The following RRP15 variants were observed in gnomAD, a reference collection of about 807,000 sequenced individuals.
RRP15 encodes the protein RRP15-like protein.
In RRP15, 18 loss-of-function variants were observed where a neutral mutation model predicts 27.1. The ratio of observed to expected loss-of-function variants is 0.66; its 90% CI spans 0.46 to 0.98. The LOEUF (loss-of-function observed/expected upper bound fraction) is 0.98. RRP15 is among the 50% of genes least tolerant of loss of function. The probability of loss-of-function intolerance (pLI) is 0.00; values close to 1 mark genes in which losing one functional copy is unlikely to be tolerated. For synonymous variants in RRP15, 107 were observed against 109.4 expected (o/e 0.98, Z 0.14); for missense variants, 359 against 337.8 (o/e 1.06, Z -0.49).
intron 4 of RRP15, among the ~76,000 whole-genome samples, chr1:218,316,099 T>C (rs1028595792): frequency 1.3e-5 from 2 of 152,232 alleles, no homozygotes; most frequent in African/African-American, 2.4e-5. Context: ...GGGTGGTTTC[T>C]GATTTGAACA....
intron 4 of RRP15, among the ~76,000 whole-genome samples, chr1:218,313,530 A>G (rs558530352): frequency 4.6e-5 from 7 of 152,316 alleles, no homozygotes; most frequent in African/African-American, 1.4e-4. Context: ...TTTTGGAGGC[A>G]GTGACTGCTC....
At chr1:218,295,363 C>T (rs1655703348) in intron 1 of RRP15, among the ~76,000 whole-genome samples, 1 of 152,132 alleles carries the variant, frequency 6.6e-6, no homozygotes, top group Non-Finnish European at 1.5e-5. Context: ...AAAAAGAAGC[C>T]TTGATTGTTA....
intron 1 of RRP15, among the ~76,000 whole-genome samples, chr1:218,287,562 A>G (rs1024650691): frequency 2.0e-5 from 3 of 152,188 alleles, no homozygotes; most frequent in Non-Finnish European, 4.4e-5. Flanking sequence ...TTTAGGAAAG[A>G]TATTAAACAC....
At position 218,337,174 on chromosome 1, in the gene RRP15, T is replaced by C. The variant is rs1217308338; in HGVS notation, c.*6083T>C. 2 of 152,232 alleles carry C rather than the reference T, an allele frequency of 1.3e-5. No individual in the cohort carries two copies. Among genetic ancestry groups the C allele is most frequent in the African/African-American group, 2.4e-5 (1 of 41,462 alleles). The allele number at this position is 152,232 out of a possible 1,614,324, so 9.4% of individuals were successfully genotyped here. A position where few individuals can be genotyped will look rare whatever the true frequency, so the allele number is the denominator to read the frequency against. On this transcript the variant is annotated 3_prime_UTR_variant, in exon 5 of 5. Coordinates refer to ENST00000366932, the MANE Select transcript of RRP15 (RefSeq NM_016052.4). The stretch of plus-strand genomic sequence containing the variant: ...TGTTATGTAGTAGCGTGTCAAGAGA[T>C]GTTCTCTCTTATGCATTTGGAGGAT...
chr1:218,302,557 C>T lies in RRP15; in HGVS notation c.403C>T (p.Gln135Ter). The T allele has an allele frequency of 1.9e-6, 3 of 1,610,936 alleles. No individual in the cohort carries two copies. The highest frequency in any genetic ancestry group is 1.7e-6 in the Non-Finnish European group (2 of 1,179,008). The change falls in exon 2 of 5, where the codon CAG becomes TAG. Residue 135 changes from glutamine to a stop codon, truncating the protein, a stop_gained and splice_region_variant. Coordinates refer to ENST00000366932, the MANE Select transcript of RRP15 (RefSeq NM_016052.4). LOFTEE classifies it high-confidence loss of function. ...GCAAGAAAGACTAGAGAAAATAAAACAGGTATGTTCCACCAGTTCTCTTGT... is the reference window on the plus strand; with the variant it reads ...GCAAGAAAGACTAGAGAAAATAAAATAGGTATGTTCCACCAGTTCTCTTGT... ...LKQERLEKIK[Q>*]RDKRLEWEMM...
intron 1 of RRP15, among the ~76,000 whole-genome samples, chr1:218,294,771 T>C (rs116119134): frequency 0.01 from 1,583 of 152,230 alleles, 31 homozygotes; most frequent in African/African-American, 0.036. Context: ...GAGCTGAAAG[T>C]CCCAAACTTC....
At position 218,302,483 on chromosome 1, in the gene RRP15, C is replaced by G. The variant is rs1321893988; in HGVS notation, c.329C>G (p.Thr110Ser). 1 of 1,614,022 alleles carries G rather than the reference C, an allele frequency of 6.2e-7. No homozygotes were observed. Among genetic ancestry groups the G allele is most frequent in the Admixed American group, 1.7e-5 (1 of 59,998 alleles). Residue 110 changes from threonine (T) to serine (S), a missense_variant, in exon 2 of 5, where the codon ACT becomes AGT. Coordinates refer to ENST00000366932, the MANE Select transcript of RRP15 (RefSeq NM_016052.4). ...LNKKTPESKPTILVKNKKLEK... is the reference protein window; with the variant it reads ...LNKKTPESKPSILVKNKKLEK... ...AAGAAAACTCCTGAAAGTAAACCTA[C>G]TATTCTGGTCAAAAATAAGAAGCTG...
intron 1 of RRP15, among the ~76,000 whole-genome samples, chr1:218,286,210 A>G (rs1255294541): frequency 1.3e-5 from 2 of 152,154 alleles, no homozygotes; most frequent in African/African-American, 4.8e-5. Context: ...TCTGTTTGAG[A>G]TGATCCAGTG....
chr1:218,326,182 T>C (rs934299650), intron 4 of RRP15, among the ~76,000 whole-genome samples: 4 of 152,166 alleles, frequency 2.6e-5, no homozygotes, highest in African/African-American at 9.7e-5. Flanking sequence ...GGCAGGTGCC[T>C]GTAATCCCAG....
chr1:218,304,040 A>G (rs1419568145), intron 2 of RRP15, among the ~76,000 whole-genome samples: 3 of 152,170 alleles, frequency 2.0e-5, no homozygotes, highest in Non-Finnish European at 4.4e-5. Context: ...AGTGAATTTC[A>G]TGACCACTAA....
chr1:218,333,815 CGAG>C lies in RRP15; in HGVS notation c.*2726_*2728del, dbSNP rs1656410638. The C allele has an allele frequency of 6.6e-6, 1 of 151,986 alleles. No individual in the cohort carries two copies. Among genetic ancestry groups the C allele is most frequent in the African/African-American group, 2.4e-5 (1 of 41,388 alleles). The allele number at this position is 151,986 out of a possible 1,614,324, so 9.4% of individuals were successfully genotyped here. On this transcript the variant is annotated 3_prime_UTR_variant, in exon 5 of 5. Coordinates refer to ENST00000366932, the MANE Select transcript of RRP15 (RefSeq NM_016052.4). ...TACCACCTGTCTTTGAATTTTTTAA[CGAG>C]GGGAAAGAAAACTGCAATTCCTGCC...
chr1:218,326,903 T>G (rs560889202), intron 4 of RRP15, among the ~76,000 whole-genome samples: 2 of 152,346 alleles, frequency 1.3e-5, no homozygotes, highest in African/African-American at 4.8e-5. Flanking sequence ...ACCCCAGTGC[T>G]TTTTATTTTG....
chr1:218,303,945 C>T (rs912408220), intron 2 of RRP15, among the ~76,000 whole-genome samples: 1 of 152,052 alleles, frequency 6.6e-6, no homozygotes, highest in African/African-American at 2.4e-5. Flanking sequence ...TACATATTAT[C>T]CTTTGAGTAC....
chr1:218,316,069 T>G lies in RRP15; in HGVS notation c.705+8437T>G, dbSNP rs141244887. On this transcript the variant is annotated intron_variant, in intron 4 of 4. Transcript: ENST00000366932. ...CATTGTATTTATGTCTTTTAAAATA[T>G]GCTATTTAGTTTTCATGTAGGGTGG... Among the ~76,000 whole-genome samples the G allele has an allele frequency of 8.6e-3, 1,317 of 152,350 alleles. 21 individuals are homozygous for G. Among genetic ancestry groups the G allele is most frequent in the African/African-American group, 0.029 (1,216 of 41,578 alleles).
chr1:218,316,118 A>G (rs183124218), intron 4 of RRP15, among the ~76,000 whole-genome samples: 68 of 152,292 alleles, frequency 4.5e-4, no homozygotes, highest in Non-Finnish European at 8.4e-4. Flanking sequence ...CAACAGTTTT[A>G]ATCAAAATGA....
rs1656370264 is a variant in RRP15 at position 218,331,632 on chromosome 1, A to C, written c.*541A>C. On this transcript the variant is annotated 3_prime_UTR_variant, in exon 5 of 5. Transcript: ENST00000366932. ...TTAGGTAATCTGGAAGATATGATTT[A>C]AGAAACAACAGATTTCAACTTTTTT... The C allele has an allele frequency of 7.2e-6, 1 of 139,246 alleles. No homozygotes were observed. The highest frequency in any genetic ancestry group is 1.5e-5 in the Non-Finnish European group (1 of 65,020). The allele number at this position is 139,246 out of a possible 1,614,324, so 8.6% of individuals were successfully genotyped here. A position where few individuals can be genotyped will look rare whatever the true frequency, so the allele number is the denominator to read the frequency against.
At chr1:218,301,170 A>G (rs1655804388) in intron 1 of RRP15, 1 of 152,192 alleles carries the variant, frequency 6.6e-6, no homozygotes, top group South Asian at 2.1e-4. Context: ...TTACCCAAAG[A>G]CATCACTGCT....
At chr1:218,321,419 T>C (rs115287816) in intron 4 of RRP15, among the ~76,000 whole-genome samples, 1,588 of 152,346 alleles carry the variant, frequency 0.01, 31 homozygotes, top group African/African-American at 0.036. Flanking sequence ...AGTTTGGTTA[T>C]TTCAGTTTAT....
chr1:218,318,731 G>A (rs140425373), intron 4 of RRP15, among the ~76,000 whole-genome samples: 139 of 151,684 alleles, frequency 9.2e-4, no homozygotes, highest in Non-Finnish European at 1.3e-3. Flanking sequence ...TGGTTAAAGT[G>A]ATAATAAATA....
Sources: gnomAD v4.1 joint callset for allele counts (sites outside exome capture counted in the v4.1 genomes callset) on GRCh38, gnomAD v4.1.1 for gene constraint, MANE v1.5 for transcripts, NCBI Gene and HGNC (gene_info 2026-07-23, HGNC 2026-07-21) for gene names.